SUN1: variants seen among roughly 807,000 people sequenced by gnomAD.
SUN1 encodes SUN domain-containing protein 1.
In SUN1, 61 loss-of-function variants were observed where a neutral mutation model predicts 103.2. That is an observed-to-expected ratio of 0.59 (90% CI 0.48 to 0.73). SUN1 has a LOEUF of 0.73. Among genes scored for constraint, SUN1 ranks in the 30% least tolerant of loss-of-function variants. The pLI is 0.00. For synonymous variants in SUN1, 490 were observed against 425.7 expected (o/e 1.15, Z -1.86); for missense variants, 1,052 against 1,034.6 (o/e 1.02, Z -0.23).
At chr7:816,625 C>T (rs1217159279) in exon 1 of SUN1, 4 of 382,714 alleles carry the variant, frequency 1.0e-5, no homozygotes, top group Non-Finnish European at 2.0e-5. Context: ...AGAGCGTCTT[C>T]TCGGGCCTGG....
At chr7:823,223 TCA>T (rs1222901979) in intron 1 of SUN1, among the ~76,000 whole-genome samples, 1 of 152,224 alleles carries the variant, frequency 6.6e-6, no homozygotes, top group Non-Finnish European at 1.5e-5. Context: ...GTTCCTGCCG[TCA>T]CAGAGTTCAA....
At chr7:847,254 G>A (rs563482448) in intron 5 of SUN1, among the ~76,000 whole-genome samples, 31 of 151,752 alleles carry the variant, frequency 2.0e-4, no homozygotes, top group African/African-American at 5.3e-4. Context: ...CAGTCTCCGG[G>A]GTCCCCTGGG....
At chr7:829,820 C>A (rs534239438), upstream of SUN1, among the ~76,000 whole-genome samples, 85 of 152,238 alleles carry the variant, frequency 5.6e-4, 1 homozygote, top group Admixed American at 9.2e-4. Context: ...TCCCAAAGTG[C>A]TGGGATTATA....
At chr7:844,876 C>T (rs1184718322) in intron 5 of SUN1, among the ~76,000 whole-genome samples, 2 of 152,154 alleles carry the variant, frequency 1.3e-5, no homozygotes, top group Non-Finnish European at 2.9e-5. Flanking sequence ...CCCCCTTAGC[C>T]ACCTGCCTCC....
At chr7:856,294 T>C (rs1827214786) in intron 11 of SUN1, 64 bp from the exon 12 acceptor site, 2 of 1,516,280 alleles carry the variant, frequency 1.3e-6, no homozygotes, top group Non-Finnish European at 1.8e-6. Context: ...TTTAAGTATG[T>C]GGTTTTATGA....
chr7:840,595 T>C (rs1336643028), intron 2 of SUN1, among the ~76,000 whole-genome samples: 1 of 152,118 alleles, frequency 6.6e-6, no homozygotes, highest in Non-Finnish European at 1.5e-5. Context: ...CTGTTGTCAT[T>C]TGTGGTCAAT....
chr7:834,649 G>A (rs1050492833), intron 1 of SUN1, among the ~76,000 whole-genome samples: 4 of 152,214 alleles, frequency 2.6e-5, no homozygotes, highest in African/African-American at 9.7e-5. Context: ...CCGCACAGCT[G>A]GAAGGTGGAG....
intron 6 of SUN1, 108 bp from the exon 7 acceptor site, chr7:851,842 A>G: frequency 8.5e-7 from 1 of 1,178,126 alleles, no homozygotes; most frequent in South Asian, 1.3e-5. Flanking sequence ...CTTCACCTCC[A>G]GCTTCATCTT....
At chr7:842,958 C>T in intron 3 of SUN1, 2 of 611,750 alleles carry the variant, frequency 3.3e-6, no homozygotes, top group East Asian at 5.7e-5. Flanking sequence ...GTTCTGCTTT[C>T]CTCCTTAGGC....
chr7:863,725 C>G (rs576226604), intron 15 of SUN1, among the ~76,000 whole-genome samples: 3 of 152,194 alleles, frequency 2.0e-5, no homozygotes, highest in Admixed American at 1.3e-4. Context: ...GGCCTGAGAG[C>G]TCACCTGCTG....
chr7:830,305 G>A (rs116242821), upstream of SUN1, among the ~76,000 whole-genome samples: 29 of 152,318 alleles, frequency 1.9e-4, no homozygotes, highest in African/African-American at 6.5e-4. Context: ...GGGCTTCGGC[G>A]CTTGTCAGGG....
At chr7:826,733 T>G (rs1394879517) in intron 1 of SUN1, among the ~76,000 whole-genome samples, 1 of 152,162 alleles carries the variant, frequency 6.6e-6, no homozygotes, top group Non-Finnish European at 1.5e-5. Context: ...CTCACTGGGC[T>G]CCCTCTCAGT....
In SUN1 at chr7:872,778, G is replaced by C. The variant is rs148071328; in HGVS notation, c.2241+216G>C. On this transcript the variant is annotated intron_variant, in intron 18 of 18. Coordinates refer to ENST00000401592, the MANE Select transcript of SUN1 (RefSeq NM_001130965.3). ...TTCATGCCCTGTGATACATTACTTA[G>C]AAGGATCATATTTAAAAAGTTAACT... Among the ~76,000 whole-genome samples the C allele has an allele frequency of 2.0e-5, 3 of 152,300 alleles. No homozygotes were observed. In the East Asian group the frequency reaches 5.8e-4, roughly 29 times the overall value.
chr7:818,146 C>A (rs141462888), intron 1 of SUN1, among the ~76,000 whole-genome samples: 1 of 152,174 alleles, frequency 6.6e-6, no homozygotes, highest in South Asian at 2.1e-4. Flanking sequence ...ATAACTTTTT[C>A]ATCATCCCAG....
chr7:862,625 G>A (rs1833074844), intron 15 of SUN1, among the ~76,000 whole-genome samples: 2 of 152,178 alleles, frequency 1.3e-5, no homozygotes, highest in South Asian at 4.1e-4. Flanking sequence ...CAATTGACAT[G>A]AACCATACAG....
At chr7:856,573 G>C (rs1366821700) in intron 12 of SUN1, among the ~76,000 whole-genome samples, 172 bp downstream of exon 12, 1 of 152,104 alleles carries the variant, frequency 6.6e-6, no homozygotes, top group Admixed American at 6.5e-5. Flanking sequence ...GAGGACAGAG[G>C]GGTCCTGCGG....
chr7:834,828 C>T (rs1244670491), intron 1 of SUN1, among the ~76,000 whole-genome samples: 1 of 152,194 alleles, frequency 6.6e-6, no homozygotes, highest in Non-Finnish European at 1.5e-5. Flanking sequence ...GTAATCCCAG[C>T]ACTTTGGGAG....
At chr7:841,438 T>G (rs1809812117) in intron 2 of SUN1, among the ~76,000 whole-genome samples, 1 of 151,718 alleles carries the variant, frequency 6.6e-6, no homozygotes, top group South Asian at 2.1e-4. Context: ...GAGATGGGGT[T>G]TCACCGTGTT....
chr7:824,871 C>T (rs907798015), intron 1 of SUN1, among the ~76,000 whole-genome samples: 59 of 152,098 alleles, frequency 3.9e-4, no homozygotes, highest in African/African-American at 9.6e-4. Flanking sequence ...GGGGTGGGGG[C>T]GTCCGCTGGC....
Sources: allele counts gnomAD v4.1 joint callset (sites outside exome capture counted in the v4.1 genomes callset), GRCh38; gene constraint gnomAD v4.1.1; transcripts MANE v1.5; gene names NCBI Gene and HGNC (gene_info 2026-07-23, HGNC 2026-07-21).